Variants in ZNF385B observed in about 807,000 individuals in gnomAD.
ZNF385B encodes the protein zinc finger protein 533.
A neutral mutation model predicts 39.2 loss-of-function variants in ZNF385B; 23 were observed. That is an observed-to-expected ratio of 0.59 (90% CI 0.42 to 0.83). The LOEUF is 0.83. ZNF385B is among the 40% of genes least tolerant of loss of function. The pLI is 0.00. For synonymous variants in ZNF385B, 205 were observed against 222.6 expected (o/e 0.92, Z 0.70); for missense variants, 552 against 598.9 (o/e 0.92, Z 0.82).
At chr2:179,679,709 T>C (rs1327810117) in intron 3 of ZNF385B, among the ~76,000 whole-genome samples, 2 of 152,154 alleles carry the variant, frequency 1.3e-5, no homozygotes, top group Non-Finnish European at 2.9e-5. Flanking sequence ...GCGGGGTCAC[T>C]AAGTCAGGTG....
chr2:179,601,593 C>T (rs185257585), intron 3 of ZNF385B, among the ~76,000 whole-genome samples: 224 of 152,170 alleles, frequency 1.5e-3, no homozygotes, highest in African/African-American at 5.3e-3. Flanking sequence ...TGCCTTGTGC[C>T]CCAGTGACTT....
At chr2:179,737,276 G>A (rs1253340298) in intron 3 of ZNF385B, among the ~76,000 whole-genome samples, 2 of 152,114 alleles carry the variant, frequency 1.3e-5, no homozygotes, top group East Asian at 1.9e-4. Context: ...CAAGTATAAC[G>A]AGAAAATGTT....
intron 1 of ZNF385B, among the ~76,000 whole-genome samples, chr2:179,818,620 A>C (rs959146489): frequency 6.6e-6 from 1 of 152,170 alleles, no homozygotes; most frequent in African/African-American, 2.4e-5. Context: ...CAGCTTTCAA[A>C]ACTAAGTACC....
intron 3 of ZNF385B, among the ~76,000 whole-genome samples, chr2:179,611,676 G>A (rs1281866265): frequency 6.6e-6 from 1 of 152,100 alleles, no homozygotes; most frequent in African/African-American, 2.4e-5. Flanking sequence ...CCTTTGCTGG[G>A]AGACTTTATT....
At chr2:179,599,519 G>A (rs1386874671) in intron 3 of ZNF385B, among the ~76,000 whole-genome samples, 2 of 152,122 alleles carry the variant, frequency 1.3e-5, no homozygotes, top group Admixed American at 6.6e-5. Flanking sequence ...AAATAAGAAT[G>A]TTTTTATAGT....
intron 4 of ZNF385B, among the ~76,000 whole-genome samples, chr2:179,519,550 G>A (rs2058336310): frequency 6.6e-6 from 1 of 152,138 alleles, no homozygotes; most frequent in African/African-American, 2.4e-5. Context: ...AACAGAAAAA[G>A]TATGGCACAT....
chr2:179,696,326 C>CTATTTTTTTTTTT (rs1698742555), intron 3 of ZNF385B, among the ~76,000 whole-genome samples: 1 of 40,354 alleles, frequency 2.5e-5, no homozygotes, highest in Non-Finnish European at 4.1e-5. Flanking sequence ...CAAACTGGGA[C>CTATTTTTTTTTTT]TTTTTTTTTT....
chr2:179,763,007 C>A (rs958761252), intron 3 of ZNF385B, among the ~76,000 whole-genome samples: 7 of 152,158 alleles, frequency 4.6e-5, no homozygotes, highest in African/African-American at 1.4e-4. Flanking sequence ...TGGGTTCCAG[C>A]GATTCTCCTG....
At chr2:179,478,314 G>A (rs2053642777) in intron 6 of ZNF385B, among the ~76,000 whole-genome samples, 1 of 152,178 alleles carries the variant, frequency 6.6e-6, no homozygotes, top group Non-Finnish European at 1.5e-5. Context: ...TCTGTTCACT[G>A]TTGCACCCAT....
chr2:179,690,988 C>T (rs761872375), intron 3 of ZNF385B, among the ~76,000 whole-genome samples: 1 of 152,196 alleles, frequency 6.6e-6, no homozygotes, highest in Non-Finnish European at 1.5e-5. Flanking sequence ...TGATCTACTC[C>T]ATCTGCACCT....
intron 3 of ZNF385B, among the ~76,000 whole-genome samples, chr2:179,605,741 C>T (rs1359727161): frequency 1.3e-5 from 2 of 152,050 alleles, no homozygotes; most frequent in Non-Finnish European, 2.9e-5. Flanking sequence ...AGGTCAAATG[C>T]CCATTACTAA....
At chr2:179,612,676 G>A (rs1689389318) in intron 3 of ZNF385B, among the ~76,000 whole-genome samples, 1 of 152,174 alleles carries the variant, frequency 6.6e-6, no homozygotes, top group South Asian at 2.1e-4. Flanking sequence ...CAGACCTGAA[G>A]CCAGCATGGT....
chr2:179,475,915 G>A (rs912981411), intron 6 of ZNF385B, among the ~76,000 whole-genome samples: 1 of 149,726 alleles, frequency 6.7e-6, no homozygotes, highest in Non-Finnish European at 1.5e-5. Flanking sequence ...TACTTGGGAG[G>A]CAGAGGCAGG....
At chr2:179,731,792 T>TAAAC (rs1469089732) in intron 3 of ZNF385B, among the ~76,000 whole-genome samples, 2 of 152,124 alleles carry the variant, frequency 1.3e-5, no homozygotes, top group Admixed American at 6.5e-5. Flanking sequence ...GTTTCTAAAA[T>TAAAC]AAACAAACAA....
chr2:179,611,357 G>A (rs527284549), intron 3 of ZNF385B, among the ~76,000 whole-genome samples: 8 of 152,198 alleles, frequency 5.3e-5, no homozygotes, highest in South Asian at 2.1e-4. Flanking sequence ...ATTGATTTGC[G>A]TATGTTAAAC....
intron 1 of ZNF385B, among the ~76,000 whole-genome samples, chr2:179,813,092 T>C (rs1706838865): frequency 6.6e-6 from 1 of 152,212 alleles, no homozygotes; most frequent in Admixed American, 6.5e-5. Context: ...GTTTCTACCT[T>C]TATTGACGTA....
At chr2:179,835,912 G>A (rs1708223150) in intron 1 of ZNF385B, among the ~76,000 whole-genome samples, 1 of 152,024 alleles carries the variant, frequency 6.6e-6, no homozygotes, top group Non-Finnish European at 1.5e-5. Flanking sequence ...CTCCACATGA[G>A]ATACACCCTC....
chr2:179,577,557 A>G (rs1020434797), intron 3 of ZNF385B, among the ~76,000 whole-genome samples: 7 of 152,116 alleles, frequency 4.6e-5, no homozygotes, highest in African/African-American at 1.2e-4. Flanking sequence ...AGAAAATGTG[A>G]TAAGTGGACC....
chr2:179,517,898 G>A (rs2058201829), intron 5 of ZNF385B, among the ~76,000 whole-genome samples: 1 of 152,066 alleles, frequency 6.6e-6, no homozygotes, highest in Non-Finnish European at 1.5e-5. Flanking sequence ...AATAGTTTAT[G>A]AAACTTTCTC....
Sources: allele counts gnomAD v4.1 joint callset (sites outside exome capture counted in the v4.1 genomes callset), GRCh38; gene constraint gnomAD v4.1.1; transcripts MANE v1.5; gene names NCBI Gene and HGNC (gene_info 2026-07-23, HGNC 2026-07-21).